ASAP1: variants seen among roughly 807,000 people sequenced by gnomAD.
The protein encoded by ASAP1 is arf-GAP with SH3 domain, ANK repeat and PH domain-containing protein 1.
ASAP1 carries 43 observed loss-of-function variants against 145.2 expected under a neutral mutation model. The ratio of observed to expected loss-of-function variants is 0.30; its 90% CI spans 0.23 to 0.38. ASAP1 has a LOEUF of 0.38. Among genes scored for constraint, ASAP1 ranks in the 10% least tolerant of loss-of-function variants. The pLI, the probability that ASAP1 is intolerant of heterozygous loss-of-function variation, is 1.00. For synonymous variants in ASAP1, 546 were observed against 515.5 expected, an observed-to-expected ratio of 1.06 and a Z score of -0.80; for missense variants, 1,018 against 1,355.3, an observed-to-expected ratio of 0.75 and a Z score of 3.91.
chr8:130,139,554 C>G (rs1393573958), intron 13 of ASAP1, among the ~76,000 whole-genome samples: 1 of 151,820 alleles, frequency 6.6e-6, no homozygotes, highest in Non-Finnish European at 1.5e-5. Flanking sequence ...GGCGAAACCC[C>G]GTTGTCTCTA....
chr8:130,082,439 T>C (rs908524976), intron 25 of ASAP1, among the ~76,000 whole-genome samples: 4 of 151,808 alleles, frequency 2.6e-5, no homozygotes, highest in Non-Finnish European at 4.4e-5. Flanking sequence ...TGAGACCAAC[T>C]GATCCTCCCA....
chr8:130,169,144 A>T, intron 9 of ASAP1, 77 bp from the exon 10 acceptor site: 1 of 896,548 alleles, frequency 1.1e-6, no homozygotes, highest in South Asian at 1.6e-5. Context: ...GGAAATAAAA[A>T]AAGGAACTAT....
chr8:130,239,813 G>A (rs2136699532), intron 3 of ASAP1, among the ~76,000 whole-genome samples: 1 of 152,076 alleles, frequency 6.6e-6, no homozygotes, highest in South Asian at 2.1e-4. Context: ...AAAAACCTTG[G>A]GCCTTAGAGA....
At chr8:130,264,956 G>A (rs976636123) in intron 3 of ASAP1, among the ~76,000 whole-genome samples, 1 of 152,016 alleles carries the variant, frequency 6.6e-6, no homozygotes, top group African/African-American at 2.4e-5. Context: ...AAAGAGGGAG[G>A]AACACAGGCA....
rs554026885 is a variant in ASAP1 at position 130,296,508 on chromosome 8, C to CTTT, written c.187-59517_187-59515dup. ...TAAATTATCTCCACCTGCTACTTCCCTTTTTTTTTTTTTTTTTCCCATTTG... is the reference window on the plus strand; with the variant it reads ...TAAATTATCTCCACCTGCTACTTCCCTTTTTTTTTTTTTTTTTTTTCCCATTTG... On this transcript the variant is annotated intron_variant, in intron 3 of 29. Coordinates refer to ENST00000518721, the MANE Select transcript of ASAP1 (RefSeq NM_018482.4). Among the ~76,000 whole-genome samples, 434 of 138,746 alleles carry CTTT rather than the reference C, an allele frequency of 3.1e-3. 1 individual carries two copies. Among genetic ancestry groups the CTTT allele is most frequent in the African/African-American group, 0.01 (390 of 37,788 alleles). The allele number at this position is 138,746 out of a possible 152,430, so 91.0% of individuals were successfully genotyped here. A position where few individuals can be genotyped will look rare whatever the true frequency, so the allele number is the denominator to read the frequency against.
intron 2 of ASAP1, among the ~76,000 whole-genome samples, chr8:130,374,670 G>A (rs1206403663): frequency 2.6e-5 from 4 of 152,206 alleles, no homozygotes; most frequent in South Asian, 2.1e-4. Flanking sequence ...CTTGCTTCCC[G>A]ATGGGGAAGC....
intron 3 of ASAP1, among the ~76,000 whole-genome samples, chr8:130,354,432 A>C (rs941798170): frequency 6.6e-6 from 1 of 152,154 alleles, no homozygotes; most frequent in African/African-American, 2.4e-5. Context: ...ACCAAATTAA[A>C]ATGTGGCCCA....
At chr8:130,260,917 T>TC (rs1016186505) in intron 3 of ASAP1, among the ~76,000 whole-genome samples, 63 of 151,964 alleles carry the variant, frequency 4.1e-4, no homozygotes, top group African/African-American at 1.5e-3. Context: ...AATTTGCTTT[T>TC]CCCCCCCTCA....
intron 3 of ASAP1, among the ~76,000 whole-genome samples, chr8:130,315,374 G>A (rs1330867056): frequency 2.0e-5 from 3 of 152,152 alleles, no homozygotes; most frequent in Non-Finnish European, 4.4e-5. Flanking sequence ...GATCCAGAAA[G>A]AGAAAAATGA....
intron 3 of ASAP1, among the ~76,000 whole-genome samples, chr8:130,329,588 C>T (rs140674108): frequency 6.6e-6 from 1 of 152,312 alleles, no homozygotes; most frequent in East Asian, 1.9e-4. Context: ...TGCTCTCCTC[C>T]AGAGCTCCTG....
At chr8:130,075,788 G>GT (rs1158739838) in intron 27 of ASAP1, among the ~76,000 whole-genome samples, 1 of 152,200 alleles carries the variant, frequency 6.6e-6, no homozygotes, top group East Asian at 1.9e-4. Context: ...CAAAAAAACA[G>GT]TATTTATAGA....
At chr8:130,287,944 A>C (rs183565109) in intron 3 of ASAP1, among the ~76,000 whole-genome samples, 222 of 152,152 alleles carry the variant, frequency 1.5e-3, no homozygotes, top group Non-Finnish European at 7.4e-4. Context: ...ACCCCAGCCT[A>C]TCTCTTCCCC....
At chr8:130,072,829 G>GTGTGCGTGCGCGCGCGCGCGCGCA (rs1564928217) in intron 27 of ASAP1, among the ~76,000 whole-genome samples, 43 of 102,378 alleles carry the variant, frequency 4.2e-4, no homozygotes, top group South Asian at 1.8e-3. Context: ...GTGTGTGCGC[G>GTGTGCGTGCGCGCGCGCGCGCGCA]CGGGGGGGGG....
At chr8:130,070,503 G>T (rs1210627680) in intron 27 of ASAP1, among the ~76,000 whole-genome samples, 1 of 152,118 alleles carries the variant, frequency 6.6e-6, no homozygotes, top group East Asian at 1.9e-4. Flanking sequence ...TAGAGTGCTG[G>T]CAGGGACAAA....
intron 2 of ASAP1, among the ~76,000 whole-genome samples, chr8:130,378,820 T>G (rs1445093531): frequency 1.3e-5 from 2 of 152,224 alleles, no homozygotes; most frequent in African/African-American, 2.4e-5. Flanking sequence ...GTCACCTCCC[T>G]ACTTCCTTCC....
intron 1 of ASAP1, among the ~76,000 whole-genome samples, 152 bp from the exon 2 acceptor site, chr8:130,402,122 G>A (rs1238306851): frequency 4.6e-5 from 7 of 152,188 alleles, no homozygotes; most frequent in Admixed American, 4.6e-4. Flanking sequence ...GAAATATGAA[G>A]GAAACTACTA....
chr8:130,348,109 T>C (rs552332897), intron 3 of ASAP1, among the ~76,000 whole-genome samples: 12 of 152,322 alleles, frequency 7.9e-5, no homozygotes, highest in African/African-American at 2.9e-4. Context: ...GCCCACTGCG[T>C]GCTGGGTGCT....
At chr8:130,362,000 T>C (rs1826737123) in intron 2 of ASAP1, among the ~76,000 whole-genome samples, 1 of 152,156 alleles carries the variant, frequency 6.6e-6, no homozygotes. Context: ...CTCTGAGCAC[T>C]GCTGACTGAG....
chr8:130,099,326 C>T (rs1006039506), intron 24 of ASAP1, among the ~76,000 whole-genome samples: 5 of 151,864 alleles, frequency 3.3e-5, no homozygotes, highest in Admixed American at 2.0e-4. Context: ...CTACAGGTGC[C>T]TGCCACCACG....
Sources: gnomAD v4.1 joint callset for allele counts (sites outside exome capture counted in the v4.1 genomes callset) on GRCh38, gnomAD v4.1.1 for gene constraint, MANE v1.5 for transcripts, NCBI Gene and HGNC (gene_info 2026-07-23, HGNC 2026-07-21) for gene names.